The following MFSD6 variants were observed in gnomAD, a reference collection of about 807,000 sequenced individuals.
MFSD6 encodes the protein major facilitator superfamily domain-containing protein 6.
In MFSD6, 26 loss-of-function variants were observed where a neutral mutation model predicts 56.3. The observed-to-expected ratio is 0.46, with a 90% CI of 0.34 to 0.64. MFSD6 has a LOEUF of 0.64. MFSD6 is among the 30% of genes least tolerant of loss of function. The probability of loss-of-function intolerance (pLI) is 0.01; values close to 1 mark genes in which losing one functional copy is unlikely to be tolerated. For synonymous variants in MFSD6, 331 were observed against 366.9 expected (o/e 0.90, Z 1.12); for missense variants, 750 against 986.2 (o/e 0.76, Z 3.21).
chr2:190,462,079 G>A lies in MFSD6; in HGVS notation c.1533-7679G>A, dbSNP rs186956685. Among the ~76,000 whole-genome samples, 2 of 152,038 alleles carry A rather than the reference G, an allele frequency of 1.3e-5. No homozygotes were observed. Among genetic ancestry groups the A allele is most frequent in the East Asian group, 3.9e-4 (2 of 5,172 alleles). On this transcript the variant is annotated intron_variant, in intron 3 of 7. Coordinates refer to ENST00000392328, the MANE Select transcript of MFSD6 (RefSeq NM_017694.4). The surrounding 1 kb of genome is among the most constrained non-coding windows in gnomAD (Gnocchi z 5.7). Reference sequence around the variant, plus strand: ...TTAGGCGATGAAGGGCCCTATCATCGCAGATTTCCAGGATAATCATTGTTC... The same window carrying A: ...TTAGGCGATGAAGGGCCCTATCATCACAGATTTCCAGGATAATCATTGTTC...
Position 190,489,932 on chromosome 2 carries a change from C to CCT in MFSD6, c.1891+66_1891+67insCT, listed in dbSNP as rs59123011. On this transcript the variant is annotated intron_variant, in intron 6 of 7. Transcript: ENST00000392328. The surrounding 1 kb of genome is among the most constrained non-coding windows in gnomAD (Gnocchi z 6.6). ...GGCCATGGGAAGTCAACAAATGCCC[C>CCT]GAGAAGCCTAGAAGTGGTACAGAGT... 0.93 allele frequency: 1,320,145 copies of CCT among 1,414,990 alleles called. 618,362 individuals are homozygous for CCT. Among genetic ancestry groups the CCT allele is most frequent in the East Asian group, 1 (41,891 of 41,920 alleles). The allele number at this position is 1,414,990 out of a possible 1,614,324, so 87.7% of individuals were successfully genotyped here. A position where few individuals can be genotyped will look rare whatever the true frequency, so the allele number is the denominator to read the frequency against.
Position 190,465,996 on chromosome 2 carries a change from C to A in MFSD6, c.1533-3762C>A, listed in dbSNP as rs1010265280. Among the ~76,000 whole-genome samples the A allele has an allele frequency of 6.6e-6, 1 of 152,124 alleles. No homozygotes were observed. Among genetic ancestry groups the A allele is most frequent in the African/African-American group, 2.4e-5 (1 of 41,422 alleles). On this transcript the variant is annotated intron_variant, in intron 3 of 7. Transcript: ENST00000392328. This position sits in a 1 kb window ranked among gnomAD's most constrained non-coding sequence, Gnocchi z 4.6. ...AAAAACTCGGAAGTTTATTTCTTCA[C>A]AGTTCTGGAGGCAAAAAGTCCGAGA...
rs1687105927 is a variant in MFSD6, at chr2:190,457,493, A to T, written c.1533-12265A>T. On this transcript the variant is annotated intron_variant, in intron 3 of 7. Transcript: ENST00000392328. The surrounding 1 kb of genome is among the most constrained non-coding windows in gnomAD (Gnocchi z 5.1). ...ACAAAGCCATTCAAACAGACCATCTAGCCAGTGATAGGGGATGTGTTTTAT... is the reference window on the plus strand; with the variant it reads ...ACAAAGCCATTCAAACAGACCATCTTGCCAGTGATAGGGGATGTGTTTTAT... Among the ~76,000 whole-genome samples, 1 of 152,190 alleles carries T rather than the reference A, an allele frequency of 6.6e-6. No individual in the cohort carries two copies. Among genetic ancestry groups the T allele is most frequent in the African/African-American group, 2.4e-5 (1 of 41,438 alleles).
intron 3 of MFSD6, among the ~76,000 whole-genome samples, chr2:190,446,641 T>G (rs78149470): frequency 7.8e-4 from 118 of 152,226 alleles, no homozygotes; most frequent in Non-Finnish European, 1.4e-3. Context: ...AAGAAGCTAA[T>G]GAAACATGGA....
At chr2:190,411,433 C>G in intron 1 of MFSD6, 1 of 975,128 alleles carries the variant, frequency 1.0e-6, no homozygotes, top group South Asian at 4.7e-5. Flanking sequence ...GCTGGGATTA[C>G]AGGCATGAGC....
At chr2:190,473,186 C>A (rs1470958130) in intron 4 of MFSD6, among the ~76,000 whole-genome samples, 1 of 152,138 alleles carries the variant, frequency 6.6e-6, no homozygotes, top group African/African-American at 2.4e-5. Flanking sequence ...AACCAACAAG[C>A]AAAATCACCA....
intron 3 of MFSD6, among the ~76,000 whole-genome samples, chr2:190,464,464 C>A (rs534419300): frequency 4.6e-5 from 7 of 152,274 alleles, no homozygotes; most frequent in Non-Finnish European, 8.8e-5. Context: ...GAATAATATC[C>A]AGACTGTATC....
At chr2:190,480,642 A>G (rs1051998882) in intron 4 of MFSD6, among the ~76,000 whole-genome samples, 15 of 152,224 alleles carry the variant, frequency 9.9e-5, no homozygotes, top group African/African-American at 3.4e-4. Flanking sequence ...CGGAAACCAT[A>G]AAGTGCTAAG....
In MFSD6 at chr2:190,494,198, C is replaced by T. The variant is rs4324341; in HGVS notation, c.1892-3241C>T. 0.23 allele frequency among the ~76,000 whole-genome samples: 35,176 copies of T among 151,988 alleles called. 5,039 individuals are homozygous for T. The highest frequency in any genetic ancestry group is 0.33 in the South Asian group (1,581 of 4,820). On this transcript the variant is annotated intron_variant, in intron 6 of 7. Coordinates refer to ENST00000392328, the MANE Select transcript of MFSD6 (RefSeq NM_017694.4). The surrounding 1 kb of genome is among the most constrained non-coding windows in gnomAD (Gnocchi z 5.7). Reference sequence around the variant, plus strand: ...TATTACAACTGACACCACAGAAATACAAAAGATCATTCAAGGCTACTATTA... The same window carrying T: ...TATTACAACTGACACCACAGAAATATAAAAGATCATTCAAGGCTACTATTA...
rs1687792467 is a variant in MFSD6 at position 190,469,523 on chromosome 2, C to T, written c.1533-235C>T. On this transcript the variant is annotated intron_variant, in intron 3 of 7. Coordinates refer to ENST00000392328, the MANE Select transcript of MFSD6 (RefSeq NM_017694.4). The surrounding 1 kb of genome is among the most constrained non-coding windows in gnomAD (Gnocchi z 5.3). ...TATATTAACAAGCATTTTGAAAAGG[C>T]TGAGGGCAGATATGTTAGAAGCCAT... 4.6e-6 allele frequency: 1 copy of T among 216,872 alleles called. No homozygotes were observed. The highest frequency in any genetic ancestry group is 8.9e-6 in the Non-Finnish European group (1 of 112,098). 13.4% of individuals were successfully genotyped at this position (216,872 alleles called of 1,614,324 possible).
At chr2:190,440,286 CTCAGGGACTGACCTG>C (rs1686323873) in intron 3 of MFSD6, among the ~76,000 whole-genome samples, 1 of 152,172 alleles carries the variant, frequency 6.6e-6, no homozygotes, top group African/African-American at 2.4e-5. Flanking sequence ...CAACCAGTTT[CTCAGGGACTGACCTG>C]TCAGTCTAAA....
intron 4 of MFSD6, among the ~76,000 whole-genome samples, chr2:190,482,071 T>C (rs770959770): frequency 1.4e-4 from 21 of 152,138 alleles, no homozygotes; most frequent in Non-Finnish European, 3.1e-4. Flanking sequence ...GAGGAAAGGA[T>C]AGCACGTGGG....
Position 190,488,014 on chromosome 2 carries a change from T to G in MFSD6, c.1631-643T>G, listed in dbSNP as rs1470832179. ...GCCTCCTGGGTTCAAACGATTCCAC[T>G]GCCTCAGCCTCCCGAGTAGCTGGGA... On this transcript the variant is annotated intron_variant, in intron 4 of 7. Transcript: ENST00000392328. The surrounding 1 kb of genome is among the most constrained non-coding windows in gnomAD (Gnocchi z 6.4). Among the ~76,000 whole-genome samples the G allele has an allele frequency of 2.0e-5, 3 of 152,194 alleles. No individual in the cohort carries two copies. Among genetic ancestry groups the G allele is most frequent in the Non-Finnish European group, 4.4e-5 (3 of 68,034 alleles).
Position 190,457,435 on chromosome 2 carries a change from T to C in MFSD6, c.1533-12323T>C, listed in dbSNP as rs1006341302. On this transcript the variant is annotated intron_variant, in intron 3 of 7. Coordinates refer to ENST00000392328, the MANE Select transcript of MFSD6 (RefSeq NM_017694.4). The surrounding 1 kb of genome is among the most constrained non-coding windows in gnomAD (Gnocchi z 5.1). Reference sequence around the variant, plus strand: ...CCCCCTACCCCCAGGACTCAGACTTTGCGTGTTTTTTGCTGACAAGTCAAA... The same window carrying C: ...CCCCCTACCCCCAGGACTCAGACTTCGCGTGTTTTTTGCTGACAAGTCAAA... Among the ~76,000 whole-genome samples, 2 of 152,216 alleles carry C rather than the reference T, an allele frequency of 1.3e-5. No individual in the cohort carries two copies. The highest frequency in any genetic ancestry group is 1.3e-4 in the Admixed American group (2 of 15,280).
rs1251523276 is a variant in MFSD6 at position 190,431,305 on chromosome 2, C to T, written c.-53-4672C>T. 3.9e-5 allele frequency among the ~76,000 whole-genome samples: 6 copies of T among 152,134 alleles called. No homozygotes were observed. In the South Asian group the frequency reaches 6.2e-4, roughly 16 times the overall value. On this transcript the variant is annotated intron_variant, in intron 2 of 7. Transcript: ENST00000392328. The surrounding 1 kb of genome is among the most constrained non-coding windows in gnomAD (Gnocchi z 4.4). ...GCTCCTCACTTCCCAGACGGGGTGGCGGCCGGGCAGAGGCTGCAATCTCGG... is the reference window on the plus strand; with the variant it reads ...GCTCCTCACTTCCCAGACGGGGTGGTGGCCGGGCAGAGGCTGCAATCTCGG...
Position 190,489,738 on chromosome 2 carries a change from TACTC to T in MFSD6, c.1793-29_1793-26del. ...GAGCGCTATCTGCATTTCTTGGAAT[TACTC>T]TATAGAGTGCTGTTTGTTTTTATAG... is the stretch of plus-strand genomic sequence containing the variant. On this transcript the variant is annotated intron_variant, in intron 5 of 7. Transcript: ENST00000392328. The surrounding 1 kb of genome is among the most constrained non-coding windows in gnomAD (Gnocchi z 6.6). 6.3e-7 allele frequency: 1 copy of T among 1,587,778 alleles called. No homozygotes were observed. Among genetic ancestry groups the T allele is most frequent in the Non-Finnish European group, 8.6e-7 (1 of 1,160,978 alleles).
Position 190,425,925 on chromosome 2 carries a change from A to G in MFSD6, c.-53-10052A>G, listed in dbSNP as rs942233753. 6.6e-6 allele frequency among the ~76,000 whole-genome samples: 1 copy of G among 152,168 alleles called. No homozygotes were observed. Among genetic ancestry groups the G allele is most frequent in the Non-Finnish European group, 1.5e-5 (1 of 68,016 alleles). On this transcript the variant is annotated intron_variant, in intron 2 of 7. Coordinates refer to ENST00000392328, the MANE Select transcript of MFSD6 (RefSeq NM_017694.4). The surrounding 1 kb of genome is among the most constrained non-coding windows in gnomAD (Gnocchi z 4.3). Reference sequence around the variant, plus strand: ...GTCCATGGTTTCTCAGAAATCTGCTATCATTTCAATTGTTTTTCTCCCATT... The same window carrying G: ...GTCCATGGTTTCTCAGAAATCTGCTGTCATTTCAATTGTTTTTCTCCCATT...
chr2:190,409,327 C>A (rs947714134), intron 1 of MFSD6, among the ~76,000 whole-genome samples: 2 of 152,156 alleles, frequency 1.3e-5, no homozygotes, highest in Non-Finnish European at 2.9e-5. Context: ...GGGTTAATTA[C>A]CTTTATGCAT....
At chr2:190,442,070 T>C (rs919791228) in intron 3 of MFSD6, among the ~76,000 whole-genome samples, 7 of 152,212 alleles carry the variant, frequency 4.6e-5, no homozygotes, top group African/African-American at 7.2e-5. Flanking sequence ...ATGGTAGACC[T>C]TAAATAACTT....
Sources: allele counts gnomAD v4.1 joint callset (sites outside exome capture counted in the v4.1 genomes callset), GRCh38; gene constraint gnomAD v4.1.1; non-coding constraint Gnocchi (gnomAD v3.1); transcripts MANE v1.5; gene names NCBI Gene and HGNC (gene_info 2026-07-23, HGNC 2026-07-21).